The following HS1BP3 variants were observed in gnomAD, a reference collection of about 807,000 sequenced individuals.
HS1BP3 encodes HCLS1 binding protein 3, also known as HCLS1-binding protein 3.
A neutral mutation model predicts 33.5 loss-of-function variants in HS1BP3; 32 were observed. That is an observed-to-expected ratio of 0.95 (90% CI 0.72 to 1.28). HS1BP3 has a LOEUF of 1.28. Ranked by LOEUF, HS1BP3 falls within the 50% of genes most tolerant of loss-of-function variation. HS1BP3 has a pLI of 0.00. For synonymous variants in HS1BP3, 187 were observed against 209.2 expected, an observed-to-expected ratio of 0.89 and a Z score of 0.92; for missense variants, 486 against 502.3, an observed-to-expected ratio of 0.97 and a Z score of 0.31.
At chr2:20,639,775 C>T (rs1208766625) in intron 3 of HS1BP3, among the ~76,000 whole-genome samples, 1 of 152,208 alleles carries the variant, frequency 6.6e-6, no homozygotes, top group African/African-American at 2.4e-5. Flanking sequence ...GTGTTTCTAT[C>T]CTGCCTCTCC....
chr2:20,555,477 A>G (rs1208755852), downstream of HS1BP3, among the ~76,000 whole-genome samples: 1 of 152,178 alleles, frequency 6.6e-6, no homozygotes, highest in Non-Finnish European at 1.5e-5. Context: ...TCACACATGC[A>G]TGAAGCCAGC....
At chr2:20,565,689 G>C (rs58467423) in intron 5 of HS1BP3, among the ~76,000 whole-genome samples, 4,748 of 152,342 alleles carry the variant, frequency 0.031, 138 homozygotes, top group African/African-American at 0.081. Context: ...ACTGGAAGAT[G>C]AATGTGGAAC....
At chr2:20,586,057 G>A (rs1213022526) in intron 5 of HS1BP3, among the ~76,000 whole-genome samples, 2 of 152,216 alleles carry the variant, frequency 1.3e-5, no homozygotes, top group Non-Finnish European at 2.9e-5. Flanking sequence ...GCACTGCCGA[G>A]GCCCAGCTAC....
intron 2 of HS1BP3, among the ~76,000 whole-genome samples, chr2:20,599,646 ACACT>A (rs1191604253): frequency 6.4e-4 from 87 of 136,624 alleles, no homozygotes; most frequent in African/African-American, 2.6e-3. Flanking sequence ...ACACACACAC[ACACT>A]CTGTTTTTTT....
chr2:20,578,242 G>C (rs1413754882), intron 5 of HS1BP3, among the ~76,000 whole-genome samples: 2 of 152,208 alleles, frequency 1.3e-5, no homozygotes, highest in African/African-American at 4.8e-5. Context: ...CCTACCTGTG[G>C]CTCCTAAGTG....
intron 6 of HS1BP3, among the ~76,000 whole-genome samples, chr2:20,620,153 C>G (rs944164310): frequency 6.6e-6 from 1 of 152,282 alleles, no homozygotes; most frequent in Non-Finnish European, 1.5e-5. Context: ...ACCCACTCAG[C>G]TCTGTGCTGA....
At chr2:20,591,736 G>A (rs938676269), downstream of HS1BP3, among the ~76,000 whole-genome samples, 2 of 152,128 alleles carry the variant, frequency 1.3e-5, no homozygotes, top group African/African-American at 4.8e-5. Context: ...GCTAATTTTT[G>A]TATTTTTAGT....
At chr2:20,556,970 C>T (rs1013154634), downstream of HS1BP3, among the ~76,000 whole-genome samples, 1 of 152,208 alleles carries the variant, frequency 6.6e-6, no homozygotes, top group East Asian at 1.9e-4. Flanking sequence ...CACCACACTG[C>T]GCTAATTCCA....
downstream of HS1BP3, among the ~76,000 whole-genome samples, chr2:20,556,638 C>T (rs1692849175): frequency 6.6e-6 from 1 of 152,182 alleles, no homozygotes; most frequent in Admixed American, 6.5e-5. Context: ...ACTGTATTCT[C>T]AAGTCACTAA....
intron 4 of HS1BP3, 156 bp downstream of exon 4, chr2:20,638,280 C>T: frequency 6.0e-6 from 4 of 669,436 alleles, no homozygotes; most frequent in Non-Finnish European, 7.7e-6. Context: ...AGAGCTACTT[C>T]CCCCAACACA....
At chr2:20,582,354 G>T (rs901436074) in intron 5 of HS1BP3, among the ~76,000 whole-genome samples, 3 of 152,118 alleles carry the variant, frequency 2.0e-5, no homozygotes, top group African/African-American at 7.2e-5. Flanking sequence ...TGGAGCTGGG[G>T]ACTGGTCTAC....
intron 5 of HS1BP3, among the ~76,000 whole-genome samples, chr2:20,574,353 AT>A (rs1252304908): frequency 6.6e-6 from 1 of 152,188 alleles, no homozygotes; most frequent in Non-Finnish European, 1.5e-5. Context: ...GAGTTCAGCA[AT>A]TTTTCTTTTT....
At chr2:20,588,788 C>CGAA (rs1025011950), downstream of HS1BP3, among the ~76,000 whole-genome samples, 1 of 152,206 alleles carries the variant, frequency 6.6e-6, no homozygotes, top group Admixed American at 6.5e-5. Flanking sequence ...CCATGTGAGG[C>CGAA]GAAGGCACAG....
chr2:20,612,350 C>T (rs971874278), intron 2 of HS1BP3, among the ~76,000 whole-genome samples: 1 of 152,174 alleles, frequency 6.6e-6, no homozygotes, highest in Admixed American at 6.5e-5. Context: ...GTAAACATCA[C>T]CCATTTTAAG....
At chr2:20,589,331 T>C (rs1308104614), downstream of HS1BP3, among the ~76,000 whole-genome samples, 1 of 152,148 alleles carries the variant, frequency 6.6e-6, no homozygotes, top group Admixed American at 6.5e-5. Flanking sequence ...TGGGGGGCTC[T>C]GACATGGGCG....
At chr2:20,584,590 A>G (rs1693634844) in intron 5 of HS1BP3, among the ~76,000 whole-genome samples, 1 of 152,084 alleles carries the variant, frequency 6.6e-6, no homozygotes, top group Admixed American at 6.5e-5. Flanking sequence ...GCCAGTCCAG[A>G]CCCCTGACTC....
chr2:20,601,207 GT>G (rs1694062065), intron 2 of HS1BP3, among the ~76,000 whole-genome samples: 1 of 152,330 alleles, frequency 6.6e-6, no homozygotes, highest in African/African-American at 2.4e-5. Context: ...AAGCAGAAGA[GT>G]TTGTATCTGC....
chr2:20,640,908 C>A (rs749850136), intron 3 of HS1BP3, 65 bp downstream of exon 3: 3 of 1,500,636 alleles, frequency 2.0e-6, no homozygotes, highest in South Asian at 1.1e-5. Context: ...CCCACTGGGG[C>A]ACGGCAGCGG....
intron 2 of HS1BP3, among the ~76,000 whole-genome samples, chr2:20,641,395 G>T (rs1427945380): frequency 1.3e-5 from 2 of 152,154 alleles, no homozygotes; most frequent in Non-Finnish European, 2.9e-5. Flanking sequence ...TGGCCCAGAG[G>T]AAAGATGCAA....
Sources: gnomAD v4.1 joint callset for allele counts (sites outside exome capture counted in the v4.1 genomes callset) on GRCh38, gnomAD v4.1.1 for gene constraint, MANE v1.5 for transcripts, NCBI Gene and HGNC (gene_info 2026-07-23, HGNC 2026-07-21) for gene names.